Variants in PDE8B observed in about 807,000 individuals in gnomAD.
PDE8B encodes the protein phosphodiesterase 8B.
Under a neutral mutation model 101.3 loss-of-function variants are expected in PDE8B, and 26 were observed. The observed-to-expected ratio is 0.26, with a 90% CI of 0.19 to 0.36. The LOEUF (loss-of-function observed/expected upper bound fraction) is 0.36, where lower values mean the gene tolerates loss of function less well. Ranked by LOEUF, PDE8B falls within the 10% of genes least tolerant of loss-of-function variation. The probability of loss-of-function intolerance (pLI) is 1.00; values close to 1 mark genes in which losing one functional copy is unlikely to be tolerated. For synonymous variants in PDE8B, 424 were observed against 429.3 expected, an observed-to-expected ratio of 0.99 and a Z score of 0.15; for missense variants, 810 against 1,163.1, an observed-to-expected ratio of 0.70 and a Z score of 4.42.
At chr5:77,136,460 A>G in the PDE8B span, among the ~76,000 whole-genome samples, 12 of 152,238 alleles carry the variant, frequency 7.9e-5, no homozygotes, top group African/African-American at 2.7e-4. Flanking sequence ...TTATCTAAAC[A>G]TCTAGTAATA....
At chr5:77,373,460 C>G (rs964919592) in intron 10 of PDE8B, among the ~76,000 whole-genome samples, 1 of 152,156 alleles carries the variant, frequency 6.6e-6, no homozygotes, top group African/African-American at 2.4e-5. Context: ...CAACATATCC[C>G]CAAGAGTTTC....
chr5:77,147,170 G>T, the PDE8B span: 1 of 339,634 alleles, frequency 2.9e-6, no homozygotes, highest in South Asian at 3.0e-5. Context: ...TGAGTAAGTT[G>T]GTTCTAGCAC....
chr5:77,213,929 AG>A (rs1749082729), intron 1 of PDE8B: 1 of 151,472 alleles, frequency 6.6e-6, no homozygotes, highest in African/African-American at 2.5e-5. Context: ...CAAAAAAAAA[AG>A]GGTTATAAGC....
At chr5:77,333,089 T>C (rs2150307207) in intron 5 of PDE8B, among the ~76,000 whole-genome samples, 1 of 152,206 alleles carries the variant, frequency 6.6e-6, no homozygotes, top group Non-Finnish European at 1.5e-5. Flanking sequence ...AAGAAAGTGC[T>C]ATAGAGAAGA....
At chr5:77,395,246 A>G (rs1790761138) in intron 10 of PDE8B, among the ~76,000 whole-genome samples, 1 of 150,768 alleles carries the variant, frequency 6.6e-6, no homozygotes, top group Non-Finnish European at 1.5e-5. Flanking sequence ...CCTCCCAAGT[A>G]GCTGGGACTA....
At chr5:77,253,690 T>G (rs1302830604) in intron 1 of PDE8B, among the ~76,000 whole-genome samples, 2 of 152,156 alleles carry the variant, frequency 1.3e-5, no homozygotes, top group Middle Eastern at 3.2e-3. Context: ...GGGTAAAAGC[T>G]TGGGATACCT....
chr5:77,234,593 G>C (rs1449361701), intron 1 of PDE8B, among the ~76,000 whole-genome samples: 1 of 152,062 alleles, frequency 6.6e-6, no homozygotes, highest in Non-Finnish European at 1.5e-5. Context: ...TTTGCCCTTG[G>C]GTGCTGCAGT....
the PDE8B span, among the ~76,000 whole-genome samples, chr5:77,150,333 A>C: frequency 6.6e-6 from 1 of 152,218 alleles, no homozygotes; most frequent in Non-Finnish European, 1.5e-5. Context: ...GTGACTATCC[A>C]AGATGCTTGC....
intron 1 of PDE8B, among the ~76,000 whole-genome samples, chr5:77,255,463 T>G (rs143648589): frequency 3.9e-5 from 6 of 152,278 alleles, no homozygotes; most frequent in Non-Finnish European, 8.8e-5. Context: ...TATTTGAATT[T>G]GTGTTTTGTA....
chr5:77,281,294 C>G (rs1382151302), intron 1 of PDE8B, among the ~76,000 whole-genome samples: 1 of 152,230 alleles, frequency 6.6e-6, no homozygotes, highest in Non-Finnish European at 1.5e-5. Flanking sequence ...GGATGCCTAG[C>G]TGTTGGCCAG....
intron 1 of PDE8B, among the ~76,000 whole-genome samples, chr5:77,255,373 C>T (rs1758901802): frequency 6.6e-6 from 1 of 152,224 alleles, no homozygotes; most frequent in African/African-American, 2.4e-5. Flanking sequence ...CGCGGCTGCA[C>T]AGGGCCCTAT....
Position 77,332,565 on chromosome 5 carries a change from C to T in PDE8B, c.708+1106C>T, listed in dbSNP as rs202130476. On this transcript the variant is annotated intron_variant, in intron 5 of 21. Transcript: ENST00000264917. Reference sequence around the variant, plus strand: ...GAGTAATCTGAATCCCGGCCGGGCACGGTGGCTCACGCCTGTAATCCCAGC... The same window carrying T: ...GAGTAATCTGAATCCCGGCCGGGCATGGTGGCTCACGCCTGTAATCCCAGC... Among the ~76,000 whole-genome samples, 39 of 152,260 alleles carry T rather than the reference C, an allele frequency of 2.6e-4. No individual in the cohort carries two copies. In the East Asian group the frequency reaches 6.4e-3, roughly 25 times the overall value.
chr5:77,411,567 G>T, intron 14 of PDE8B, 109 bp from the exon 15 acceptor site: 1 of 847,788 alleles, frequency 1.2e-6, no homozygotes, highest in Non-Finnish European at 2.0e-6. Context: ...TAGACTTCCA[G>T]ATTGGTTGGG....
At position 77,273,796 on chromosome 5, in the gene PDE8B, CATCT is replaced by C. The variant is rs545815588; in HGVS notation, c.340-38197_340-38194del. On this transcript the variant is annotated intron_variant, in intron 1 of 21. Coordinates refer to ENST00000264917, the MANE Select transcript of PDE8B (RefSeq NM_003719.5). ...AAAAGAGAGAACTTCCAGGTAGTTCCATCTGTTTTTTTTTTATTTATTTTTTATT... is the reference window on the plus strand; with the variant it reads ...AAAAGAGAGAACTTCCAGGTAGTTCCGTTTTTTTTTTATTTATTTTTTATT... Among the ~76,000 whole-genome samples, 197 of 151,406 alleles carry C rather than the reference CATCT, an allele frequency of 1.3e-3. 1 individual carries two copies. The highest frequency in any genetic ancestry group is 2.3e-3 in the Non-Finnish European group (157 of 67,886).
chr5:77,402,213 T>C (rs1350170057), intron 11 of PDE8B, among the ~76,000 whole-genome samples: 3 of 151,962 alleles, frequency 2.0e-5, no homozygotes, highest in African/African-American at 7.2e-5. Context: ...AATGCCATGA[T>C]CCCAACAATA....
intron 1 of PDE8B, among the ~76,000 whole-genome samples, chr5:77,241,163 C>G (rs1186813677): frequency 6.6e-6 from 1 of 152,182 alleles, no homozygotes. Flanking sequence ...ATCCGGAAAA[C>G]TGGTTGATAC....
At chr5:77,398,067 C>T (rs1254917684) in intron 10 of PDE8B, among the ~76,000 whole-genome samples, 2 of 151,052 alleles carry the variant, frequency 1.3e-5, no homozygotes, top group East Asian at 3.9e-4. Flanking sequence ...GTCTGTTTTC[C>T]CCAAGGGATC....
chr5:77,332,175 A>G (rs1370443549), intron 5 of PDE8B, among the ~76,000 whole-genome samples: 1 of 152,216 alleles, frequency 6.6e-6, no homozygotes, highest in African/African-American at 2.4e-5. Flanking sequence ...CAAAACATGA[A>G]TGTTTAAAAG....
chr5:77,373,843 G>C (rs1295404746), intron 10 of PDE8B, among the ~76,000 whole-genome samples: 1 of 151,892 alleles, frequency 6.6e-6, no homozygotes, highest in African/African-American at 2.4e-5. Flanking sequence ...TTTATAGCTG[G>C]TGATACTATT....
Sources: allele counts gnomAD v4.1 joint callset (sites outside exome capture counted in the v4.1 genomes callset), GRCh38; gene constraint gnomAD v4.1.1; transcripts MANE v1.5; gene names NCBI Gene and HGNC (gene_info 2026-07-23, HGNC 2026-07-21).